Variants in PCDHA9 observed in about 807,000 individuals in gnomAD.
PCDHA9 encodes protocadherin alpha 9.
In PCDHA9, 62 loss-of-function variants were observed where a neutral mutation model predicts 62.0. The observed-to-expected ratio is 1.00, with a 90% CI of 0.81 to 1.23. The LOEUF (loss-of-function observed/expected upper bound fraction) is 1.23, where lower values mean the gene tolerates loss of function less well. PCDHA9 is among the 50% of genes most tolerant of loss of function. PCDHA9 has a pLI of 0.00. For missense variants in PCDHA9, 1,205 were observed against 1,249.8 expected (o/e 0.96, Z 0.54); for synonymous variants, 557 against 567.6 (o/e 0.98, Z 0.27).
At chr5:140,878,002 C>T in intron 1 of PCDHA9, 1 of 1,005,678 alleles carries the variant, frequency 9.9e-7, no homozygotes. Flanking sequence ...ATGTATTTGT[C>T]TAACATTAAT....
intron 1 of PCDHA9, chr5:140,856,165 A>T: frequency 6.3e-7 from 1 of 1,598,366 alleles, no homozygotes; most frequent in South Asian, 1.1e-5. Flanking sequence ...AGGAGGCCAG[A>T]CACGGCACCT....
intron 1 of PCDHA9, among the ~76,000 whole-genome samples, chr5:140,916,184 A>C (rs1554197322): frequency 6.6e-6 from 1 of 152,092 alleles, no homozygotes. Context: ...CTCTTCAAGG[A>C]AGTGGGCACC....
rs2150461572 is a variant in PCDHA9 at position 140,849,985 on chromosome 5, G to T, written c.1490G>T (p.Arg497Leu). The change falls in exon 1 of 4, where the codon CGG (arginine) becomes CTG (leucine). Residue 497 changes from arginine to leucine, a missense_variant. This residue lies in a region of PCDHA9 where 887 missense variants were observed against 809.5 expected (regional missense o/e 1.10). Transcript: ENST00000532602. ...NALVSYSLVE[R>L]RLGERSLSSY... Reference sequence around the variant, plus strand: ...CTGGTGTCCTACTCGCTGGTGGAGCGGCGGTTGGGCGAGCGCTCGCTGTCG... The same window carrying T: ...CTGGTGTCCTACTCGCTGGTGGAGCTGCGGTTGGGCGAGCGCTCGCTGTCG... 32 of 1,597,274 alleles carry T rather than the reference G, an allele frequency of 2.0e-5. No homozygotes were observed. In the East Asian group the frequency reaches 2.2e-4, roughly 11 times the overall value.
chr5:140,927,482 C>G, intron 1 of PCDHA9: 1 of 1,614,086 alleles, frequency 6.2e-7, no homozygotes, highest in Non-Finnish European at 8.5e-7. Flanking sequence ...GAACAGCGCG[C>G]CACCCACCTG....
intron 1 of PCDHA9, chr5:140,857,764 G>C (rs552891884): frequency 2.5e-6 from 4 of 1,597,520 alleles, no homozygotes; most frequent in Non-Finnish European, 3.4e-6. Context: ...CTGGCAGCGC[G>C]GGCGGTGCAG....
chr5:140,944,310 C>T (rs1036800359), intron 1 of PCDHA9, among the ~76,000 whole-genome samples: 6 of 152,132 alleles, frequency 3.9e-5, no homozygotes, highest in Non-Finnish European at 7.4e-5. Flanking sequence ...ACCTCAGCCT[C>T]CTGAGTAGCT....
intron 1 of PCDHA9, among the ~76,000 whole-genome samples, chr5:140,888,140 G>A (rs2061708866): frequency 1.3e-5 from 2 of 152,080 alleles, no homozygotes; most frequent in Admixed American, 1.3e-4. Context: ...TTTTCTTGCT[G>A]TTTTGCATGA....
At chr5:140,930,527 A>G (rs73793525) in intron 1 of PCDHA9, 1 of 152,462 alleles carries the variant, frequency 6.6e-6, no homozygotes, top group Non-Finnish European at 1.5e-5. Context: ...CTGGCCCTCA[A>G]ACTTCTTGAG....
intron 1 of PCDHA9, among the ~76,000 whole-genome samples, chr5:140,873,668 T>G (rs1315193684): frequency 6.6e-6 from 1 of 152,206 alleles, no homozygotes; most frequent in Non-Finnish European, 1.5e-5. Flanking sequence ...TATTATTATT[T>G]GTTTCTTTTT....
At chr5:140,951,737 C>T (rs1223539805) in intron 1 of PCDHA9, among the ~76,000 whole-genome samples, 1 of 152,130 alleles carries the variant, frequency 6.6e-6, no homozygotes, top group Non-Finnish European at 1.5e-5. Context: ...CATTCTGCCA[C>T]TGCCCTCACC....
intron 1 of PCDHA9, among the ~76,000 whole-genome samples, chr5:140,897,257 T>C (rs1554187284): frequency 6.6e-6 from 1 of 151,916 alleles, no homozygotes; most frequent in Non-Finnish European, 1.5e-5. Context: ...TATGTATACA[T>C]GTGCCATGCT....
chr5:140,857,507 G>T, intron 1 of PCDHA9: 2 of 1,598,302 alleles, frequency 1.3e-6, no homozygotes, highest in African/African-American at 1.3e-5. Context: ...GCAGGAGAAC[G>T]CCCTGGTGTC....
At chr5:140,962,169 C>T (rs2095662298) in intron 1 of PCDHA9, among the ~76,000 whole-genome samples, 1 of 152,152 alleles carries the variant, frequency 6.6e-6, no homozygotes, top group Non-Finnish European at 1.5e-5. Flanking sequence ...GCCACCACAC[C>T]CGGCCACTTA....
chr5:140,884,512 G>T (rs782026771), intron 1 of PCDHA9: 1 of 1,614,202 alleles, frequency 6.2e-7, no homozygotes, highest in South Asian at 1.1e-5. Flanking sequence ...CAGGGAGTTG[G>T]TCGTACTCGC....
chr5:140,858,072 C>T, intron 1 of PCDHA9: 1 of 1,597,752 alleles, frequency 6.3e-7, no homozygotes, highest in Non-Finnish European at 8.6e-7. Context: ...AGCCAGGCAC[C>T]CAAGGCCTCG....
At chr5:140,984,824 C>A (rs920985683) in intron 3 of PCDHA9, among the ~76,000 whole-genome samples, 1 of 152,098 alleles carries the variant, frequency 6.6e-6, no homozygotes, top group Non-Finnish European at 1.5e-5. Context: ...TCTTAATTAC[C>A]CTTTCTGTAA....
At chr5:141,001,794 T>C (rs2098037139) in intron 3 of PCDHA9, among the ~76,000 whole-genome samples, 1 of 152,184 alleles carries the variant, frequency 6.6e-6, no homozygotes, top group Non-Finnish European at 1.5e-5. Flanking sequence ...CCTGAGTATA[T>C]ACTATCATTC....
At chr5:141,002,589 TC>T (rs1157810975) in intron 3 of PCDHA9, among the ~76,000 whole-genome samples, 1 of 152,140 alleles carries the variant, frequency 6.6e-6, no homozygotes, top group African/African-American at 2.4e-5. Context: ...TAGTCCTTAG[TC>T]CCCTCATCTA....
At chr5:140,876,143 G>A in intron 1 of PCDHA9, 1 of 1,613,870 alleles carries the variant, frequency 6.2e-7, no homozygotes, top group South Asian at 1.1e-5. Flanking sequence ...GAACTAACAG[G>A]GTCTGTCCAG....
Sources: gnomAD v4.1 joint callset for allele counts (sites outside exome capture counted in the v4.1 genomes callset) on GRCh38, gnomAD v4.1.1 for gene constraint, gnomAD v4.1.1 regional missense constraint, MANE v1.5 for transcripts, NCBI Gene and HGNC (gene_info 2026-07-23, HGNC 2026-07-21) for gene names.